TMEM255B: variants seen among roughly 807,000 people sequenced by gnomAD.
TMEM255B encodes transmembrane protein 255B.
A neutral mutation model predicts 34.5 loss-of-function variants in TMEM255B; 35 were observed. That is an observed-to-expected ratio of 1.01 (90% CI 0.77 to 1.34). The LOEUF (loss-of-function observed/expected upper bound fraction) is 1.34, where lower values mean the gene tolerates loss of function less well. Ranked by LOEUF, TMEM255B falls within the 40% of genes most tolerant of loss-of-function variation. The pLI is 0.00. For missense variants in TMEM255B, 432 were observed against 433.2 expected (o/e 1.00, Z 0.02); for synonymous variants, 206 against 201.2 (o/e 1.02, Z -0.20).
In TMEM255B at chr13:113,784,537, GGAA is replaced by G. The variant is rs375842735; in HGVS notation, c.253-10594_253-10592del. Among the ~76,000 whole-genome samples, 204 of 151,672 alleles carry G rather than the reference GGAA, an allele frequency of 1.3e-3. 2 individuals carry two copies. The Middle Eastern group carries it at 0.014, about 10-fold the overall frequency. On this transcript the variant is annotated intron_variant, in intron 3 of 8. Transcript: ENST00000375353. ...AGAGAGAGAGAGAAGGATATGAAGA[GGAA>G]GAAGAAGAAGAAGAAGGAGGAGAAG...
intron 3 of TMEM255B, among the ~76,000 whole-genome samples, chr13:113,787,955 G>A (rs1006880880): frequency 2.1e-5 from 3 of 145,604 alleles, no homozygotes; most frequent in Non-Finnish European, 3.0e-5. Flanking sequence ...TGGACGGGGA[G>A]GAGGTGTTGA....
Position 113,790,527 on chromosome 13 carries a change from C to T in TMEM255B, c.253-4621C>T, listed in dbSNP as rs904313883. 4.1e-4 allele frequency among the ~76,000 whole-genome samples: 47 copies of T among 114,390 alleles called. 3 individuals are homozygous for T. Among genetic ancestry groups the T allele is most frequent in the African/African-American group, 1.4e-3 (42 of 30,306 alleles). The allele number at this position is 114,390 out of a possible 152,430, so 75.0% of individuals were successfully genotyped here. ...ATGGACATCCTAGCTGTGGACTGAC[C>T]GGACACGTGGACATCCTAGCACTGA... is the stretch of plus-strand genomic sequence containing the variant. On this transcript the variant is annotated intron_variant, in intron 3 of 8. Coordinates refer to ENST00000375353, the MANE Select transcript of TMEM255B (RefSeq NM_182614.4).
In TMEM255B at chr13:113,770,687, G is replaced by A. The variant is rs565000247; in HGVS notation, c.252+1527G>A. On this transcript the variant is annotated intron_variant, in intron 3 of 8. Coordinates refer to ENST00000375353, the MANE Select transcript of TMEM255B (RefSeq NM_182614.4). This position sits in a 1 kb window ranked among gnomAD's most constrained non-coding sequence, Gnocchi z 4.6. ...CCCACCCCCTGTTGTTGGCTCCCGA[G>A]GGTGGGCGTCACAGCTGACCAGGGT... Among the ~76,000 whole-genome samples the A allele has an allele frequency of 6.8e-4, 104 of 152,274 alleles. 1 individual carries two copies. Among genetic ancestry groups the A allele is most frequent in the Admixed American group, 3.5e-3 (54 of 15,302 alleles).
At position 113,812,979 on chromosome 13, in the gene TMEM255B, G is replaced by GGTCTCGGGTGAGTCACA. The variant is rs1566342277; in HGVS notation, c.*1077_*1078insTCTCGGGTGAGTCACAG. 8 of 95,770 alleles carry GGTCTCGGGTGAGTCACA rather than the reference G, an allele frequency of 8.4e-5. No individual in the cohort carries two copies. The highest frequency in any genetic ancestry group is 3.5e-4 in the African/African-American group (8 of 22,984). 5.9% of individuals were successfully genotyped at this position (95,770 alleles called of 1,614,324 possible). A position where few individuals can be genotyped will look rare whatever the true frequency, so the allele number is the denominator to read the frequency against. On this transcript the variant is annotated 3_prime_UTR_variant, in exon 9 of 9. Transcript: ENST00000375353. Reference sequence around the variant, plus strand: ...GGGTCACGGGCCCCGGGTGGGTCACGGGTCCCGGGTGGGTCACGGGTCCCG... The same window carrying GGTCTCGGGTGAGTCACA: ...GGGTCACGGGCCCCGGGTGGGTCACGGTCTCGGGTGAGTCACAGGTCCCGGGTGGGTCACGGGTCCCG...
At chr13:113,785,726 G>A (rs577851583) in intron 3 of TMEM255B, among the ~76,000 whole-genome samples, 195 of 152,322 alleles carry the variant, frequency 1.3e-3, no homozygotes, top group African/African-American at 3.4e-3. Flanking sequence ...CACTCTGGAC[G>A]TGACTGTGGG....
In TMEM255B at chr13:113,812,108, A is replaced by C; in HGVS notation, c.*205A>C. 1.6e-6 allele frequency: 1 copy of C among 639,674 alleles called. No homozygotes were observed. The highest frequency in any genetic ancestry group is 2.1e-5 in the South Asian group (1 of 48,302). The allele number at this position is 639,674 out of a possible 1,614,324, so 39.6% of individuals were successfully genotyped here. A position where few individuals can be genotyped will look rare whatever the true frequency, so the allele number is the denominator to read the frequency against. ...GGCCCTCCAGACCCAGGCTGGTGAC[A>C]CCTTGGCTTGGGCTCTGCTCACATC... is the stretch of plus-strand genomic sequence containing the variant. On this transcript the variant is annotated 3_prime_UTR_variant, in exon 9 of 9. Coordinates refer to ENST00000375353, the MANE Select transcript of TMEM255B (RefSeq NM_182614.4).
chr13:113,771,652 C>T (rs1594625654), intron 3 of TMEM255B, among the ~76,000 whole-genome samples: 1 of 152,186 alleles, frequency 6.6e-6, no homozygotes, highest in African/African-American at 2.4e-5. Context: ...GCACTCCAGC[C>T]TGGGTGACTG....
chr13:113,797,227 C>T (rs1381941576), intron 4 of TMEM255B, among the ~76,000 whole-genome samples: 1 of 152,246 alleles, frequency 6.6e-6, no homozygotes, highest in African/African-American at 2.4e-5. Context: ...AAGCAGGGCC[C>T]CTGGCCGGGG....
rs1461958192 is a variant in TMEM255B at position 113,815,554 on chromosome 13, GAGTA to G, written c.*3655_*3658del. ...TTTCCCGTGCTATTCTCGTGATAGT[GAGTA>G]AGTCTCACGAGATCTGACTGGTTGA... On this transcript the variant is annotated 3_prime_UTR_variant, in exon 9 of 9. Coordinates refer to ENST00000375353, the MANE Select transcript of TMEM255B (RefSeq NM_182614.4). The G allele has an allele frequency of 6.6e-6, 1 of 152,444 alleles. No individual in the cohort carries two copies. The highest frequency in any genetic ancestry group is 2.4e-5 in the African/African-American group (1 of 41,534). The allele number at this position is 152,444 out of a possible 1,614,324, so 9.4% of individuals were successfully genotyped here.
chr13:113,797,141 T>C (rs2138568035), intron 4 of TMEM255B, among the ~76,000 whole-genome samples: 1 of 151,942 alleles, frequency 6.6e-6, no homozygotes, highest in Admixed American at 6.5e-5. Flanking sequence ...GTTCCGGACC[T>C]CGGGCGCCTG....
chr13:113,768,225 C>G (rs186366005), intron 2 of TMEM255B: 3 of 470,498 alleles, frequency 6.4e-6, no homozygotes, highest in Non-Finnish European at 1.3e-5. Context: ...TCGGCACGGT[C>G]GTTGGCAGGT....
Position 113,813,080 on chromosome 13 carries a change from G to C in TMEM255B, c.*1177G>C, listed in dbSNP as rs996586428. 1 of 149,312 alleles carries C rather than the reference G, an allele frequency of 6.7e-6. No individual in the cohort carries two copies. Among genetic ancestry groups the C allele is most frequent in the African/African-American group, 2.5e-5 (1 of 40,702 alleles). The allele number at this position is 149,312 out of a possible 1,614,324, so 9.2% of individuals were successfully genotyped here. On this transcript the variant is annotated 3_prime_UTR_variant, in exon 9 of 9. Coordinates refer to ENST00000375353, the MANE Select transcript of TMEM255B (RefSeq NM_182614.4). The stretch of plus-strand genomic sequence containing the variant: ...CAGGATGCGCCACCCCAAAGTAGCC[G>C]AAGTCTCTTGAAAAGTGTTGGATGT...
intron 8 of TMEM255B, 130 bp from the exon 9 acceptor site, chr13:113,811,606 C>G (rs2051309554): frequency 1.0e-6 from 1 of 954,916 alleles, no homozygotes; most frequent in Non-Finnish European, 1.5e-6. Context: ...GGCCCTGAGT[C>G]TGCGGGTGGC....
In TMEM255B at chr13:113,801,678, G is replaced by GA; in HGVS notation, c.536dup (p.Phe180ValfsTer109). 6.2e-7 allele frequency: 1 copy of GA among 1,612,268 alleles called. No individual in the cohort carries two copies. The highest frequency in any genetic ancestry group is 1.1e-5 in the South Asian group (1 of 90,928). ...CGCAGAGCCCTCGCCCGCCTACTAT[G>GA]AGTTCATCGGCGTCAGCGGCTGCCA... On this transcript the variant is annotated frameshift_variant, in exon 7 of 9. Transcript: ENST00000375353. LOFTEE classifies it high-confidence loss of function.
In TMEM255B at chr13:113,815,196, G is replaced by C. The variant is rs2051388471; in HGVS notation, c.*3293G>C. ...CCAAGCAGAGGCAACTACTGAGTGGGGGAGGGACACAGTCCGTCCACATGG... is the reference window on the plus strand; with the variant it reads ...CCAAGCAGAGGCAACTACTGAGTGGCGGAGGGACACAGTCCGTCCACATGG... On this transcript the variant is annotated 3_prime_UTR_variant, in exon 9 of 9. Coordinates refer to ENST00000375353, the MANE Select transcript of TMEM255B (RefSeq NM_182614.4). 6.6e-6 allele frequency: 1 copy of C among 152,196 alleles called. No homozygotes were observed. Among genetic ancestry groups the C allele is most frequent in the African/African-American group, 2.4e-5 (1 of 41,388 alleles). The allele number at this position is 152,196 out of a possible 1,614,324, so 9.4% of individuals were successfully genotyped here.
At chr13:113,807,849 C>CGAGG (rs2051213577) in intron 8 of TMEM255B, among the ~76,000 whole-genome samples, 1 of 147,078 alleles carries the variant, frequency 6.8e-6, no homozygotes, top group African/African-American at 2.5e-5. Flanking sequence ...CCCCGTCACA[C>CGAGG]GCGGGCTTAC....
At chr13:113,774,639 C>T (rs377553897) in intron 3 of TMEM255B, among the ~76,000 whole-genome samples, 28 of 100,580 alleles carry the variant, frequency 2.8e-4, no homozygotes, top group African/African-American at 1.4e-3. Flanking sequence ...TACCACACAC[C>T]ACACACACTA....
In TMEM255B at chr13:113,806,894, C is replaced by T. The variant is rs74118476; in HGVS notation, c.813+1866C>T. Among the ~76,000 whole-genome samples the T allele has an allele frequency of 8.5e-3, 1,286 of 151,182 alleles. 23 individuals are homozygous for T. The highest frequency in any genetic ancestry group is 0.029 in the African/African-American group (1,209 of 41,156). On this transcript the variant is annotated intron_variant, in intron 8 of 8. Coordinates refer to ENST00000375353, the MANE Select transcript of TMEM255B (RefSeq NM_182614.4). This position sits in a 1 kb window ranked among gnomAD's most constrained non-coding sequence, Gnocchi z 4.2. Reference sequence around the variant, plus strand: ...GGGCCTGCAGGTGCTCCCCAAGCGGCTCTACACAGACACAGACTTGGAATC... The same window carrying T: ...GGGCCTGCAGGTGCTCCCCAAGCGGTTCTACACAGACACAGACTTGGAATC...
intron 5 of TMEM255B, 85 bp from the exon 6 acceptor site, chr13:113,800,742 G>A (rs1242062892): frequency 1.5e-6 from 2 of 1,338,604 alleles, no homozygotes; most frequent in Admixed American, 4.0e-5. Flanking sequence ...GCCGCTCCCA[G>A]CTCCCATGAG....
Sources: allele counts gnomAD v4.1 joint callset (sites outside exome capture counted in the v4.1 genomes callset), GRCh38; gene constraint gnomAD v4.1.1; non-coding constraint Gnocchi (gnomAD v3.1); transcripts MANE v1.5; gene names NCBI Gene and HGNC (gene_info 2026-07-23, HGNC 2026-07-21).